Variants in RBFOX2 observed in about 807,000 individuals in gnomAD.
The protein encoded by RBFOX2 is RNA binding protein fox-1 homolog 2.
Under a neutral mutation model 49.1 loss-of-function variants are expected in RBFOX2, and 10 were observed. The observed-to-expected ratio is 0.20, with a 90% CI of 0.13 to 0.35. RBFOX2 has a LOEUF of 0.35. RBFOX2 is among the 10% of genes least tolerant of loss of function. RBFOX2 has a pLI of 1.00. For missense variants in RBFOX2, 323 were observed against 486.9 expected, an observed-to-expected ratio of 0.66 and a Z score of 3.17; for synonymous variants, 183 against 187.4, an observed-to-expected ratio of 0.98 and a Z score of 0.19.
chr22:35,868,630 G>A (rs977734977), intron 1 of RBFOX2, among the ~76,000 whole-genome samples: 29 of 152,082 alleles, frequency 1.9e-4, no homozygotes, highest in Admixed American at 6.5e-4. Context: ...GTGGTGGCAC[G>A]TGCCAAGTTT....
At chr22:36,018,227 C>A (rs1009099056) in intron 1 of RBFOX2, among the ~76,000 whole-genome samples, 11 of 152,156 alleles carry the variant, frequency 7.2e-5, no homozygotes. Context: ...AAGTATTAAT[C>A]TAAAAAGTCC....
At chr22:36,026,565 C>T (rs552134151) in intron 1 of RBFOX2, among the ~76,000 whole-genome samples, 7 of 151,844 alleles carry the variant, frequency 4.6e-5, no homozygotes, top group Admixed American at 6.6e-5. Flanking sequence ...CACACACACA[C>T]ACACACACCA....
At chr22:35,827,550 G>C (rs748237251) in intron 1 of RBFOX2, among the ~76,000 whole-genome samples, 2 of 152,092 alleles carry the variant, frequency 1.3e-5, no homozygotes, top group Non-Finnish European at 2.9e-5. Flanking sequence ...ATAATGTCTT[G>C]TATAACGCAT....
intron 2 of RBFOX2, among the ~76,000 whole-genome samples, chr22:35,792,779 T>A (rs896495239): frequency 6.6e-6 from 1 of 152,192 alleles, no homozygotes; most frequent in African/African-American, 2.4e-5. Flanking sequence ...TTTAAAAAAA[T>A]AAAAACACTT....
intron 1 of RBFOX2, among the ~76,000 whole-genome samples, chr22:35,949,147 C>T (rs1013900734): frequency 1.3e-5 from 2 of 152,162 alleles, no homozygotes; most frequent in Admixed American, 6.5e-5. Flanking sequence ...TATTGTAGCA[C>T]GTGTCAGAAT....
chr22:35,897,935 T>G (rs550935554), intron 1 of RBFOX2: 2 of 760,766 alleles, frequency 2.6e-6, no homozygotes, highest in Admixed American at 3.7e-5. Context: ...TCAGCTTCCT[T>G]GGACACCTGA....
chr22:35,964,813 T>TA (rs994061252), upstream of RBFOX2, among the ~76,000 whole-genome samples: 15 of 152,196 alleles, frequency 9.9e-5, no homozygotes, highest in African/African-American at 2.9e-4. Flanking sequence ...AGCCACAACA[T>TA]ACACCCTGTT....
intron 6 of RBFOX2, among the ~76,000 whole-genome samples, chr22:35,762,641 G>C (rs931726554): frequency 5.3e-5 from 8 of 151,794 alleles, no homozygotes; most frequent in Non-Finnish European, 7.4e-5. Context: ...AAGTAGCTGG[G>C]ACTACAGGCA....
At chr22:36,002,272 C>A (rs966284783) in intron 1 of RBFOX2, among the ~76,000 whole-genome samples, 3 of 152,164 alleles carry the variant, frequency 2.0e-5, no homozygotes, top group Non-Finnish European at 4.4e-5. Flanking sequence ...TCTTCTTGTG[C>A]TTATCTTATG....
rs546208066 is a variant in RBFOX2 at position 35,791,218 on chromosome 22, C to G, written c.253-9472G>C. 9.2e-5 allele frequency among the ~76,000 whole-genome samples: 14 copies of G among 152,046 alleles called. No homozygotes were observed. The East Asian group carries it at 2.7e-3, about 29-fold the overall frequency. On this transcript the variant is annotated intron_variant, in intron 2 of 11. Transcript: ENST00000405409. ...TGGCCAACATGGTGAAACCTCGTCT[C>G]CACTAAAAATACAAAAATTAGCCAG...
intron 1 of RBFOX2, among the ~76,000 whole-genome samples, chr22:35,848,210 A>C (rs2041463632): frequency 6.6e-6 from 1 of 152,204 alleles, no homozygotes; most frequent in South Asian, 2.1e-4. Flanking sequence ...ACTTGTAAAA[A>C]GACCTGGTTC....
Position 36,007,616 on chromosome 22 carries a change from T to A in RBFOX2, c.186+20624A>T, listed in dbSNP as rs577944801. Among the ~76,000 whole-genome samples, 9 of 152,314 alleles carry A rather than the reference T, an allele frequency of 5.9e-5. No individual in the cohort carries two copies. The South Asian group carries it at 1.9e-3, about 32-fold the overall frequency. On this transcript the variant is annotated intron_variant, in intron 1 of 13. Transcript: ENST00000438146. ...AATTAACAAATTTTGTTGGTATGAT[T>A]TTTTTATATACAATAAAAATTAAGT...
At chr22:36,001,208 C>T (rs1203792215) in intron 1 of RBFOX2, among the ~76,000 whole-genome samples, 2 of 148,064 alleles carry the variant, frequency 1.4e-5, no homozygotes, top group Non-Finnish European at 3.0e-5. Context: ...CACACACACA[C>T]ACACACACAC....
rs537082559 is a variant in RBFOX2, at chr22:35,746,577, G to A, written c.888-16C>T. 5.1e-5 allele frequency: 77 copies of A among 1,509,918 alleles called. 1 individual carries two copies. In the African/African-American group the frequency reaches 7.3e-4, roughly 14 times the overall value. 93.5% of individuals were successfully genotyped at this position (1,509,918 alleles called of 1,614,324 possible). A position where few individuals can be genotyped will look rare whatever the true frequency, so the allele number is the denominator to read the frequency against. On this transcript the variant is annotated splice_polypyrimidine_tract_variant and intron_variant, in intron 9 of 11. Coordinates refer to ENST00000405409, the Ensembl canonical transcript of RBFOX2. ...CATATCCACCCTACAGGAGAGAAGA[G>A]AACTGACTTTACAGATACCTCTCCC...
intron 1 of RBFOX2, among the ~76,000 whole-genome samples, chr22:35,863,977 A>G (rs2043388543): frequency 6.6e-6 from 1 of 152,162 alleles, no homozygotes; most frequent in Non-Finnish European, 1.5e-5. Flanking sequence ...CCATTTATAC[A>G]ATTAGATCCT....
chr22:35,766,819 G>A (rs1941107061), intron 5 of RBFOX2, among the ~76,000 whole-genome samples: 1 of 152,138 alleles, frequency 6.6e-6, no homozygotes, highest in Non-Finnish European at 1.5e-5. Flanking sequence ...AGGAAAAATG[G>A]CCAGAACCAA....
At chr22:35,926,713 A>T (rs1436841545) in intron 1 of RBFOX2, among the ~76,000 whole-genome samples, 1 of 152,236 alleles carries the variant, frequency 6.6e-6, no homozygotes, top group African/African-American at 2.4e-5. Context: ...TACTTCTGGC[A>T]TCATTCATCT....
intron 2 of RBFOX2, among the ~76,000 whole-genome samples, chr22:35,787,532 T>G (rs560908282): frequency 6.6e-6 from 1 of 152,336 alleles, no homozygotes; most frequent in South Asian, 2.1e-4. Flanking sequence ...ATATTGGTCA[T>G]ACTATATTAA....
intron 1 of RBFOX2, among the ~76,000 whole-genome samples, chr22:35,953,978 G>A (rs921767582): frequency 1.3e-5 from 2 of 151,986 alleles, no homozygotes; most frequent in Admixed American, 6.6e-5. Flanking sequence ...TTCCCTAAAC[G>A]CTTAATAGGT....
Sources: allele counts gnomAD v4.1 joint callset (sites outside exome capture counted in the v4.1 genomes callset), GRCh38; gene constraint gnomAD v4.1.1; transcripts MANE v1.5; gene names NCBI Gene and HGNC (gene_info 2026-07-23, HGNC 2026-07-21).